Variants in SLC5A12 observed in about 807,000 individuals in gnomAD.
SLC5A12 encodes sodium-coupled monocarboxylate transporter 2.
Under a neutral mutation model 72.7 loss-of-function variants are expected in SLC5A12, and 46 were observed. The observed-to-expected ratio is 0.63, with a 90% CI of 0.50 to 0.81. SLC5A12 has a LOEUF of 0.81. Among genes scored for constraint, SLC5A12 ranks in the 30% least tolerant of loss-of-function variants. The pLI, the probability that SLC5A12 is intolerant of heterozygous loss-of-function variation, is 0.00. For synonymous variants in SLC5A12, 275 were observed against 264.4 expected (o/e 1.04, Z -0.39); for missense variants, 683 against 740.7 (o/e 0.92, Z 0.90).
In SLC5A12 at chr11:26,703,665, A is replaced by G. The variant is rs770942887; in HGVS notation, c.687T>C (p.Asp229=). 2.5e-6 allele frequency: 4 copies of G among 1,613,808 alleles called. No homozygotes were observed. In the African/African-American group the frequency reaches 4.0e-5, roughly 16 times the overall value. The change falls in exon 6 of 15, where the codon GAT becomes GAC. Residue 229 remains aspartate (D), a synonymous_variant. Coordinates refer to ENST00000396005, the MANE Select transcript of SLC5A12 (RefSeq NM_178498.4). ...NGSRLHIFDF[D]VDPLRRHTFW... is the part of the protein sequence containing the mutation. ...AAGTGTGTCGCCTGAGAGGATCTAC[A>G]TCAAAGCTATGAGACAGAGAGAAAT...
chr11:26,691,611 T>G (rs1854677313), intron 9 of SLC5A12: 1 of 152,168 alleles, frequency 6.6e-6, no homozygotes, highest in Admixed American at 6.5e-5. Flanking sequence ...CATGATATGT[T>G]ATTGTATATG....
At chr11:26,683,251 A>G (rs1223281750) in intron 11 of SLC5A12, among the ~76,000 whole-genome samples, 2 of 152,172 alleles carry the variant, frequency 1.3e-5, no homozygotes, top group South Asian at 2.1e-4. Flanking sequence ...ACTTGAAGAC[A>G]TACTATTAGC....
Position 26,721,451 on chromosome 11 carries a change from G to A in SLC5A12, c.264C>T (p.Tyr88=), listed in dbSNP as rs1273403486. The A allele has an allele frequency of 6.2e-7, 1 of 1,614,114 alleles. No homozygotes were observed. Among genetic ancestry groups the A allele is most frequent in the Admixed American group, 1.7e-5 (1 of 60,006 alleles). Residue 88 remains tyrosine (Y), a synonymous_variant, in exon 1 of 15, where the codon TAC becomes TAT. Transcript: ENST00000396005. ...GASFLVFFIA[Y]LFVILLTSEL... The stretch of plus-strand genomic sequence containing the variant: ...CTGATGTTAAGAGGATGACAAATAG[G>A]TAAGCAATGAAGAAGACTAGGAAGG...
At chr11:26,682,627 G>A (rs1854436249) in intron 11 of SLC5A12, among the ~76,000 whole-genome samples, 1 of 152,092 alleles carries the variant, frequency 6.6e-6, no homozygotes, top group Non-Finnish European at 1.5e-5. Flanking sequence ...GGGCCCCAAT[G>A]GCTGCCCAAA....
intron 9 of SLC5A12, 92 bp from the exon 10 acceptor site, chr11:26,686,636 C>T: frequency 8.8e-7 from 1 of 1,142,520 alleles, no homozygotes; most frequent in Admixed American, 1.9e-5. Context: ...GTCTCTGATC[C>T]AAGCCCTTTG....
intron 1 of SLC5A12, among the ~76,000 whole-genome samples, chr11:26,719,747 C>A (rs1256592448): frequency 1.3e-5 from 2 of 152,158 alleles, no homozygotes; most frequent in Non-Finnish European, 2.9e-5. Context: ...CATATGATCA[C>A]CCTCTATGAA....
rs573782077 is a variant in SLC5A12, at chr11:26,714,450, C to A, written c.340-1744G>T. Among the ~76,000 whole-genome samples, 7 of 152,178 alleles carry A rather than the reference C, an allele frequency of 4.6e-5. No homozygotes were observed. The South Asian group carries it at 1.5e-3, about 32-fold the overall frequency. ...TATGTACTACAAGAGCTAAAAGTAG[C>A]TGTGAACTTCCTAAATAGTAGAATC... On this transcript the variant is annotated intron_variant, in intron 1 of 14. Coordinates refer to ENST00000396005, the MANE Select transcript of SLC5A12 (RefSeq NM_178498.4).
At chr11:26,714,590 T>G (rs111768823) in intron 1 of SLC5A12, among the ~76,000 whole-genome samples, 5 of 152,286 alleles carry the variant, frequency 3.3e-5, no homozygotes, top group African/African-American at 1.2e-4. Flanking sequence ...CATAAAATTT[T>G]AAAGTATCAA....
chr11:26,676,761 C>G (rs898444714), intron 13 of SLC5A12, among the ~76,000 whole-genome samples: 6 of 152,144 alleles, frequency 3.9e-5, no homozygotes, highest in African/African-American at 1.4e-4. Context: ...CTTTCAGCAG[C>G]TGATGCACAA....
intron 13 of SLC5A12, among the ~76,000 whole-genome samples, chr11:26,674,377 C>CAAAAGAA (rs1854216509): frequency 1.4e-5 from 2 of 145,866 alleles, no homozygotes; most frequent in South Asian, 2.2e-4. Flanking sequence ...TTTCTAGAGA[C>CAAAAGAA]AAAAAAAATA....
chr11:26,688,879 C>T (rs1037003099), intron 9 of SLC5A12, among the ~76,000 whole-genome samples: 2 of 152,162 alleles, frequency 1.3e-5, no homozygotes, highest in African/African-American at 4.8e-5. Context: ...AACACGTACA[C>T]AAGAAGACTT....
At chr11:26,674,586 A>T (rs1439030180) in intron 13 of SLC5A12, among the ~76,000 whole-genome samples, 1 of 152,022 alleles carries the variant, frequency 6.6e-6, no homozygotes, top group Non-Finnish European at 1.5e-5. Context: ...TTCTTTTTGT[A>T]GAGATGGGAT....
At chr11:26,702,252 TGATGGAACGCCA>T (rs1307005289) in intron 6 of SLC5A12, among the ~76,000 whole-genome samples, 2 of 152,202 alleles carry the variant, frequency 1.3e-5, no homozygotes, top group African/African-American at 4.8e-5. Flanking sequence ...ACCAGTGAAT[TGATGGAACGCCA>T]GATAATGCTT....
At chr11:26,717,018 T>C (rs1278799361) in intron 1 of SLC5A12, among the ~76,000 whole-genome samples, 1 of 152,164 alleles carries the variant, frequency 6.6e-6, no homozygotes, top group Non-Finnish European at 1.5e-5. Flanking sequence ...AGACCCTAAA[T>C]ATCTCTTTTA....
intron 9 of SLC5A12, among the ~76,000 whole-genome samples, chr11:26,690,451 A>G (rs1212427161): frequency 6.6e-6 from 1 of 151,772 alleles, no homozygotes; most frequent in African/African-American, 2.4e-5. Flanking sequence ...ATTTTTATTA[A>G]TGGAAATATT....
At chr11:26,702,272 C>A (rs920648192) in intron 6 of SLC5A12, among the ~76,000 whole-genome samples, 1 of 152,110 alleles carries the variant, frequency 6.6e-6, no homozygotes, top group Admixed American at 6.6e-5. Flanking sequence ...CCAGATAATG[C>A]TTTTATTTCC....
intron 10 of SLC5A12, among the ~76,000 whole-genome samples, chr11:26,685,996 T>G (rs955408554): frequency 5.9e-5 from 9 of 152,188 alleles, no homozygotes; most frequent in African/African-American, 1.9e-4. Context: ...TACTTCCTAG[T>G]TCCTTCATCT....
chr11:26,692,219 G>A (rs1227509558), intron 9 of SLC5A12: 1 of 277,230 alleles, frequency 3.6e-6, no homozygotes, highest in Non-Finnish European at 6.8e-6. Flanking sequence ...GCGGCCCACA[G>A]GCCGTGGGTT....
chr11:26,703,449 C>CA (rs1565197537), intron 6 of SLC5A12, 82 bp downstream of exon 6: 2 of 1,332,206 alleles, frequency 1.5e-6, no homozygotes, highest in Non-Finnish European at 2.0e-6. Flanking sequence ...CACACACACC[C>CA]CCCAAGAGGA....
Sources: gnomAD v4.1 joint callset for allele counts (sites outside exome capture counted in the v4.1 genomes callset) on GRCh38, gnomAD v4.1.1 for gene constraint, MANE v1.5 for transcripts, NCBI Gene and HGNC (gene_info 2026-07-23, HGNC 2026-07-21) for gene names.